The following AFF2 variants were observed in gnomAD, a reference collection of about 807,000 sequenced individuals.
AFF2 encodes the protein ALF transcription elongation factor 2.
AFF2 carries 14 observed loss-of-function variants against 76.9 expected under a neutral mutation model. The observed-to-expected ratio is 0.18, with a 90% CI of 0.12 to 0.28. The LOEUF is 0.28. Ranked by LOEUF, AFF2 falls within the 10% of genes least tolerant of loss-of-function variation. AFF2 has a pLI of 1.00. For missense variants in AFF2, 868 were observed against 1,001.1 expected, an observed-to-expected ratio of 0.87 and a Z score of 1.79; for synonymous variants, 398 against 366.7, an observed-to-expected ratio of 1.09 and a Z score of -0.98.
chrX:148,952,860 T>G (rs73614043), intron 9 of AFF2, among the ~76,000 whole-genome samples: 4,113 of 111,323 alleles, frequency 0.037, 183 homozygotes, highest in African/African-American at 0.13. Flanking sequence ...GGCCTAGAAG[T>G]GTGTTGTCTC....
chrX:148,951,196 CA>C (rs1557286581), intron 9 of AFF2, among the ~76,000 whole-genome samples: 22 of 110,926 alleles, frequency 2.0e-4, no homozygotes, highest in East Asian at 2.8e-4. Flanking sequence ...CACACACACA[CA>C]CCCCAATTTT....
chrX:148,656,951 A>C (rs1264079271), intron 2 of AFF2, among the ~76,000 whole-genome samples: 3 of 112,183 alleles, frequency 2.7e-5, no homozygotes, highest in East Asian at 5.6e-4. Flanking sequence ...ATACTTGATA[A>C]GCTTACCTGC....
chrX:148,684,207 G>C (rs1186709091), intron 3 of AFF2, among the ~76,000 whole-genome samples: 1 of 112,108 alleles, frequency 8.9e-6, no homozygotes, highest in Admixed American at 9.5e-5. Context: ...TAAATGCACA[G>C]AAGCAAAATT....
At chrX:148,752,798 C>CT (rs1557266576) in intron 3 of AFF2, among the ~76,000 whole-genome samples, 1 of 111,657 alleles carries the variant, frequency 9.0e-6, no homozygotes, top group African/African-American at 3.3e-5. Context: ...CTAATTATAG[C>CT]TTTTTCGTTA....
At chrX:148,537,389 G>A (rs1557236733) in intron 1 of AFF2, among the ~76,000 whole-genome samples, 1 of 111,669 alleles carries the variant, frequency 9.0e-6, no homozygotes, top group East Asian at 2.8e-4. Flanking sequence ...CCTTCTATGT[G>A]CTGGGCACCA....
intron 1 of AFF2, among the ~76,000 whole-genome samples, chrX:148,581,174 T>G (rs2053370960): frequency 1.0e-5 from 1 of 96,380 alleles, no homozygotes. Context: ...CACATACATA[T>G]ACGTATACAC....
chrX:148,781,476 A>G (rs1301891452), intron 3 of AFF2, among the ~76,000 whole-genome samples: 2 of 112,237 alleles, frequency 1.8e-5, no homozygotes, highest in African/African-American at 6.5e-5. Flanking sequence ...TTGTGGTGCT[A>G]TGGTGGGCTC....
intron 9 of AFF2, among the ~76,000 whole-genome samples, chrX:148,921,344 C>T (rs782233952): frequency 1.9e-4 from 21 of 111,942 alleles, no homozygotes; most frequent in Middle Eastern, 4.6e-3. Flanking sequence ...TAACAATCAC[C>T]GCAATCAATT....
chrX:148,852,389 G>GTT (rs33916305), intron 7 of AFF2, among the ~76,000 whole-genome samples: 818 of 78,773 alleles, frequency 0.01, 8 homozygotes, highest in South Asian at 0.036. Context: ...CCAGCAGCTG[G>GTT]TTTTTTTTTT....
chrX:148,673,664 G>A (rs782117231), intron 3 of AFF2, among the ~76,000 whole-genome samples: 1 of 111,991 alleles, frequency 8.9e-6, no homozygotes, highest in African/African-American at 3.2e-5. Context: ...CCCTGTATAA[G>A]AGAGGTCATT....
intron 8 of AFF2, among the ~76,000 whole-genome samples, chrX:148,893,086 C>G (rs1420994882): frequency 8.9e-6 from 1 of 112,191 alleles, no homozygotes; most frequent in Non-Finnish European, 1.9e-5. Context: ...GTTAAGGTTA[C>G]AGAATGTAGC....
In AFF2 at chrX:148,960,374, C is replaced by T. The variant is rs536586130; in HGVS notation, c.2690+1916C>T. ...CTGCTGCCCTATGCCTGCTTGGCTGCAGCACAGCCATGTTCCTTACACCAA... is the reference window on the plus strand; with the variant it reads ...CTGCTGCCCTATGCCTGCTTGGCTGTAGCACAGCCATGTTCCTTACACCAA... On this transcript the variant is annotated intron_variant, in intron 12 of 20. Transcript: ENST00000370460. Among the ~76,000 whole-genome samples, 7 of 112,582 alleles carry T rather than the reference C, an allele frequency of 6.2e-5. No homozygotes were observed. In the East Asian group the frequency reaches 2.0e-3, roughly 32 times the overall value.
At chrX:148,717,083 C>T (rs782577759) in intron 3 of AFF2, among the ~76,000 whole-genome samples, 7 of 111,861 alleles carry the variant, frequency 6.3e-5, no homozygotes, top group Admixed American at 2.8e-4. Context: ...GAACTGAAAC[C>T]ATACGTCCAC....
intron 7 of AFF2, among the ~76,000 whole-genome samples, chrX:148,883,653 G>A (rs1361553680): frequency 1.8e-5 from 2 of 111,252 alleles, no homozygotes; most frequent in East Asian, 5.7e-4. Flanking sequence ...TTTATAAGTT[G>A]TACACTCTAG....
At chrX:148,516,962 A>G (rs959379110) in intron 1 of AFF2, among the ~76,000 whole-genome samples, 2 of 111,999 alleles carry the variant, frequency 1.8e-5, no homozygotes, top group African/African-American at 6.5e-5. Context: ...TTTGCAGTCT[A>G]TTTGGTAGCC....
At chrX:148,557,096 T>C (rs1322172784) in intron 1 of AFF2, among the ~76,000 whole-genome samples, 1 of 111,849 alleles carries the variant, frequency 8.9e-6, no homozygotes, top group East Asian at 2.8e-4. Context: ...TCATGCATGG[T>C]TCATAACTGT....
chrX:148,800,411 A>G (rs782453058), intron 3 of AFF2, among the ~76,000 whole-genome samples: 23 of 112,251 alleles, frequency 2.0e-4, no homozygotes, highest in African/African-American at 6.8e-4. Flanking sequence ...TATTCCATTT[A>G]CATTGCTTTA....
At chrX:148,749,128 C>T (rs950065000) in intron 3 of AFF2, among the ~76,000 whole-genome samples, 20 of 112,062 alleles carry the variant, frequency 1.8e-4, no homozygotes, top group Non-Finnish European at 3.4e-4. Context: ...GTTACAAATA[C>T]ATATTAGTTT....
chrX:148,900,309 C>T (rs1557280752), intron 8 of AFF2, among the ~76,000 whole-genome samples: 1 of 111,012 alleles, frequency 9.0e-6, no homozygotes, highest in Non-Finnish European at 1.9e-5. Context: ...TGTAATTCAA[C>T]ATGGTTCCTG....
Sources: gnomAD v4.1 joint callset for allele counts (sites outside exome capture counted in the v4.1 genomes callset) on GRCh38, gnomAD v4.1.1 for gene constraint, MANE v1.5 for transcripts, NCBI Gene and HGNC (gene_info 2026-07-23, HGNC 2026-07-21) for gene names.